CASTOR2: variants seen among roughly 807,000 people sequenced by gnomAD.
CASTOR2 encodes the protein GATS protein like 2.
Under a neutral mutation model 31.2 loss-of-function variants are expected in CASTOR2, and 8 were observed. The ratio of observed to expected loss-of-function variants is 0.26; its 90% CI spans 0.15 to 0.46. The LOEUF (loss-of-function observed/expected upper bound fraction) is 0.46, where lower values mean the gene tolerates loss of function less well. Ranked by LOEUF, CASTOR2 falls within the 20% of genes least tolerant of loss-of-function variation. The pLI is 0.99. For missense variants in CASTOR2, 216 were observed against 382.1 expected (o/e 0.57, Z 3.62); for synonymous variants, 162 against 158.7 (o/e 1.02, Z -0.16).
rs1208062822 is a variant in CASTOR2 at position 75,029,407 on chromosome 7, G to A, written c.*4708G>A. Among the ~76,000 whole-genome samples, 1 of 148,976 alleles carries A rather than the reference G, an allele frequency of 6.7e-6. No homozygotes were observed. The highest frequency in any genetic ancestry group is 1.5e-5 in the Non-Finnish European group (1 of 67,480). ...GAGACAGGCTGGAGTGCAGTGGTGC[G>A]ATCTCGGTTCGCTGCAACCTCTGCT... On this transcript the variant is annotated 3_prime_UTR_variant, in exon 9 of 9. Coordinates refer to ENST00000616305, the MANE Select transcript of CASTOR2 (RefSeq NM_001145064.3).
chr7:74,992,579 A>G (rs1804237536), intron 1 of CASTOR2, among the ~76,000 whole-genome samples: 1 of 152,046 alleles, frequency 6.6e-6, no homozygotes, highest in Non-Finnish European at 1.5e-5. Flanking sequence ...AGCTGGGACT[A>G]CAGGTGCAGG....
At chr7:74,990,394 AC>A (rs1333066967) in intron 1 of CASTOR2, among the ~76,000 whole-genome samples, 4 of 150,644 alleles carry the variant, frequency 2.7e-5, no homozygotes, top group African/African-American at 7.3e-5. Context: ...AAAAAAAAAA[AC>A]AAAAACAAAA....
chr7:75,009,309 G>T lies in CASTOR2; in HGVS notation c.184+1245G>T, dbSNP rs1203135137. Among the ~76,000 whole-genome samples, 15 of 102,304 alleles carry T rather than the reference G, an allele frequency of 1.5e-4. No homozygotes were observed. In the East Asian group the frequency reaches 4.3e-3, roughly 29 times the overall value. The allele number at this position is 102,304 out of a possible 152,430, so 67.1% of individuals were successfully genotyped here. ...TTTTGAGACGGAGTCTCGCTCTATG[G>T]CCCAGGCTGGAGTGCAGTGGTGTGA... On this transcript the variant is annotated intron_variant, in intron 2 of 8. Transcript: ENST00000616305.
intron 2 of CASTOR2, among the ~76,000 whole-genome samples, chr7:75,011,358 G>A (rs1804739226): frequency 6.6e-6 from 1 of 151,466 alleles, no homozygotes; most frequent in South Asian, 2.1e-4. Flanking sequence ...GAACCCACGA[G>A]GCAGAGGCTG....
Position 75,021,952 on chromosome 7 carries a change from G to A in CASTOR2, c.825G>A (p.Gly275=). ...TCCGGATTGGAGGACAGCCCCTGGG[G>A]TTTGGTGAGTCCTGGGGGGATTACA... ...KMVRIGGQPL[G]FDECGIVAQI... is the part of the protein sequence containing the mutation. The change falls in exon 7 of 9, where the codon GGG becomes GGA. Residue 275 remains glycine (G), a synonymous_variant. Transcript: ENST00000616305. 6.4e-7 allele frequency: 1 copy of A among 1,551,766 alleles called. No individual in the cohort carries two copies. Among genetic ancestry groups the A allele is most frequent in the East Asian group, 2.4e-5 (1 of 40,912 alleles).
intron 1 of CASTOR2, among the ~76,000 whole-genome samples, chr7:74,984,954 A>G (rs1213627908): frequency 2.6e-5 from 4 of 152,140 alleles, no homozygotes; most frequent in Non-Finnish European, 5.9e-5. Flanking sequence ...CAATGGGGTT[A>G]GTAGAAACCC....
At chr7:75,023,439 C>A (rs1272971967) in intron 7 of CASTOR2, among the ~76,000 whole-genome samples, 1 of 150,768 alleles carries the variant, frequency 6.6e-6, no homozygotes, top group Admixed American at 6.6e-5. Context: ...CAGACAACGT[C>A]TTTGGTGGAT....
intron 1 of CASTOR2, among the ~76,000 whole-genome samples, chr7:74,987,256 T>G (rs1454933511): frequency 1.3e-5 from 2 of 151,866 alleles, no homozygotes; most frequent in Non-Finnish European, 2.9e-5. Context: ...AATACAAAAA[T>G]TATCCGGGCC....
chr7:75,008,844 G>A (rs1334716834), intron 2 of CASTOR2, among the ~76,000 whole-genome samples: 1 of 152,100 alleles, frequency 6.6e-6, no homozygotes, highest in Non-Finnish European at 1.5e-5. Context: ...CAGCTACTTG[G>A]GAGGCTGAGG....
chr7:75,024,864 C>T lies in CASTOR2; in HGVS notation c.*165C>T. On this transcript the variant is annotated 3_prime_UTR_variant, in exon 9 of 9. Transcript: ENST00000616305. ...TGCCAATCCCTCCAGGGCAGGGGCC[C>T]ACGCCAAGGCCTCTCCATGCCCTCC... 1.3e-6 allele frequency: 2 copies of T among 1,512,588 alleles called. No individual in the cohort carries two copies. The highest frequency in any genetic ancestry group is 1.2e-5 in the South Asian group (1 of 80,588). The allele number at this position is 1,512,588 out of a possible 1,614,324, so 93.7% of individuals were successfully genotyped here. A position where few individuals can be genotyped will look rare whatever the true frequency, so the allele number is the denominator to read the frequency against.
At position 75,029,546 on chromosome 7, in the gene CASTOR2, G is replaced by A. The variant is rs1184382557; in HGVS notation, c.*4847G>A. Among the ~76,000 whole-genome samples, 1 of 152,046 alleles carries A rather than the reference G, an allele frequency of 6.6e-6. No individual in the cohort carries two copies. The highest frequency in any genetic ancestry group is 2.4e-5 in the African/African-American group (1 of 41,408). On this transcript the variant is annotated 3_prime_UTR_variant, in exon 9 of 9. Coordinates refer to ENST00000616305, the MANE Select transcript of CASTOR2 (RefSeq NM_001145064.3). Reference sequence around the variant, plus strand: ...TTTAGTAGAGACAGGGTTTCACTATGTTGGCCAGGCTGTTCTTGAACTCCT... The same window carrying A: ...TTTAGTAGAGACAGGGTTTCACTATATTGGCCAGGCTGTTCTTGAACTCCT...
At chr7:74,985,121 A>C (rs1308692222) in intron 1 of CASTOR2, among the ~76,000 whole-genome samples, 1 of 152,108 alleles carries the variant, frequency 6.6e-6, no homozygotes, top group African/African-American at 2.4e-5. Context: ...TGGGTGACAG[A>C]GTGAGACCCT....
chr7:75,013,314 G>T (rs77671099), intron 2 of CASTOR2, among the ~76,000 whole-genome samples: 37,766 of 151,980 alleles, frequency 0.25, 7,318 homozygotes, highest in African/African-American at 0.55. Flanking sequence ...TAAATGACAT[G>T]AGCCAGCAGA....
chr7:75,021,558 C>T (rs979987075), intron 6 of CASTOR2, among the ~76,000 whole-genome samples: 2,139 of 152,238 alleles, frequency 0.014, 50 homozygotes, highest in African/African-American at 0.05. Flanking sequence ...ACCGCAGCCC[C>T]GGTGCTATTT....
chr7:75,009,076 C>A (rs1474985367), intron 2 of CASTOR2, among the ~76,000 whole-genome samples: 1 of 150,932 alleles, frequency 6.6e-6, no homozygotes, highest in Admixed American at 6.6e-5. Flanking sequence ...CCTGCCTCAG[C>A]CTCCCAAGTA....
chr7:75,001,433 T>C (rs1804493363), intron 1 of CASTOR2, among the ~76,000 whole-genome samples: 1 of 152,156 alleles, frequency 6.6e-6, no homozygotes, highest in African/African-American at 2.4e-5. Flanking sequence ...CTTTCTGGCA[T>C]TTGCTCCTCT....
At chr7:75,015,116 C>T (rs1290389137) in intron 2 of CASTOR2, among the ~76,000 whole-genome samples, 16 of 152,166 alleles carry the variant, frequency 1.1e-4, no homozygotes, top group African/African-American at 3.6e-4. Flanking sequence ...CCATGGTGAC[C>T]GGAGCTGGGC....
In CASTOR2 at chr7:75,024,835, C is replaced by A. The variant is rs923272651; in HGVS notation, c.*136C>A. ...AAGGGGCCTCTGTGGGAGACTCCCT[C>A]GATTGCCAATCCCTCCAGGGCAGGG... On this transcript the variant is annotated 3_prime_UTR_variant, in exon 9 of 9. Transcript: ENST00000616305. 1 of 1,546,708 alleles carries A rather than the reference C, an allele frequency of 6.5e-7. No homozygotes were observed. The highest frequency in any genetic ancestry group is 1.4e-5 in the African/African-American group (1 of 72,916).
At chr7:75,007,832 G>C in intron 1 of CASTOR2, 162 bp from the exon 2 acceptor site, 1 of 828,808 alleles carries the variant, frequency 1.2e-6, no homozygotes, top group Non-Finnish European at 2.0e-6. Context: ...CTGAGTAGGG[G>C]GACATGAAGG....
Sources: allele counts gnomAD v4.1 joint callset (sites outside exome capture counted in the v4.1 genomes callset), GRCh38; gene constraint gnomAD v4.1.1; transcripts MANE v1.5; gene names NCBI Gene and HGNC (gene_info 2026-07-23, HGNC 2026-07-21).